The following PRAG1 variants were observed in gnomAD, a reference collection of about 807,000 sequenced individuals.
PRAG1 encodes PEAK1 related, kinase-activating pseudokinase 1.
PRAG1 carries 110 observed loss-of-function variants against 95.6 expected under a neutral mutation model. The observed-to-expected ratio is 1.15, with a 90% confidence interval of 0.99 to 1.35. The LOEUF is 1.35. Ranked by LOEUF, PRAG1 falls within the 40% of genes most tolerant of loss-of-function variation. PRAG1 has a pLI of 0.00. For synonymous variants in PRAG1, 1,052 were observed against 819.4 expected (o/e 1.28, Z -4.85); for missense variants, 2,554 against 1,864.7 (o/e 1.37, Z -6.81).
At chr8:8,366,841 C>T (rs568671199) in intron 3 of PRAG1, among the ~76,000 whole-genome samples, 22 of 151,936 alleles carry the variant, frequency 1.4e-4, no homozygotes, top group Non-Finnish European at 3.2e-4. Flanking sequence ...CCATGCCCTA[C>T]TCATTTTTGT....
chr8:8,357,741 G>A (rs73523424), intron 3 of PRAG1, among the ~76,000 whole-genome samples: 2 of 152,158 alleles, frequency 1.3e-5, no homozygotes, highest in African/African-American at 2.4e-5. Flanking sequence ...TTGCTTACCT[G>A]TGTTCATAGC....
At chr8:8,384,448 C>CGACTGCCAGG (rs1800782228) in intron 1 of PRAG1, among the ~76,000 whole-genome samples, 1 of 151,888 alleles carries the variant, frequency 6.6e-6, no homozygotes, top group South Asian at 2.1e-4. Context: ...TTTCATCACA[C>CGACTGCCAGG]GACTGCCAGG....
chr8:8,319,400 TCCAC>T, intron 5 of PRAG1, 98 bp from the exon 6 acceptor site: 17 of 1,011,056 alleles, frequency 1.7e-5, no homozygotes, highest in Non-Finnish European at 2.1e-5. Context: ...AATAAGCCTA[TCCAC>T]ATAGGCTTAA....
rs1338792995 is a variant in PRAG1 at position 8,318,895 on chromosome 8, G to C, written c.3480C>G (p.Ala1160=). The change falls in exon 6 of 6, where the codon GCC becomes GCG. Residue 1160 remains alanine (A), a synonymous_variant. Coordinates refer to ENST00000615670, the MANE Select transcript of PRAG1 (RefSeq NM_001080826.3). This position sits in a 1 kb window ranked among gnomAD's most constrained non-coding sequence, Gnocchi z 4.2. The stretch of plus-strand genomic sequence containing the variant: ...CGGGGGCGGGGGCGGGCCCGGGGCC[G>C]GCCTGGAGGGTGCAGTGCACCAGCA... The part of the protein sequence containing the change: ...NLLLVHCTLQ[A]GPGPAPAPAP... The C allele has an allele frequency of 1.3e-6, 2 of 1,563,030 alleles. No homozygotes were observed. Among genetic ancestry groups the C allele is most frequent in the South Asian group, 1.2e-5 (1 of 86,172 alleles).
At chr8:8,350,713 T>C (rs1799493339) in intron 3 of PRAG1, among the ~76,000 whole-genome samples, 1 of 152,234 alleles carries the variant, frequency 6.6e-6, no homozygotes, top group African/African-American at 2.4e-5. Flanking sequence ...GTTCGGGTCC[T>C]GACTCAATGC....
chr8:8,376,749 C>A lies in PRAG1; in HGVS notation c.1660G>T (p.Val554Leu). 6.2e-7 allele frequency: 1 copy of A among 1,610,076 alleles called. No homozygotes were observed. Among genetic ancestry groups the A allele is most frequent in the South Asian group, 1.1e-5 (1 of 91,058 alleles). The change falls in exon 3 of 6, where the codon GTA becomes TTA. Residue 554 changes from valine to leucine, a missense_variant. Val to Leu is a conservative substitution (Grantham distance 32). Coordinates refer to ENST00000615670, the MANE Select transcript of PRAG1 (RefSeq NM_001080826.3). ...IPPKLSKSSP[V>L]GSPVSPSAGG... ...GCAGACGGTGACACCGGGGACCCTA[C>A]AGGGCTACTCTTGGACAACTTGGGG...
rs745470561 is a variant in PRAG1, at chr8:8,377,858, T to A, written c.551A>T (p.Glu184Val). 6 of 1,614,092 alleles carry A rather than the reference T, an allele frequency of 3.7e-6. No individual in the cohort carries two copies. The highest frequency in any genetic ancestry group is 2.5e-6 in the Non-Finnish European group (3 of 1,180,010). The change falls in exon 3 of 6, where the codon GAG (glutamate) becomes GTG (valine). Residue 184 changes from glutamate to valine, a missense_variant. Glu to Val is a moderately radical substitution (Grantham distance 121, BLOSUM62 -2). Coordinates refer to ENST00000615670, the MANE Select transcript of PRAG1 (RefSeq NM_001080826.3). ...TTTTTCTTTGTGCACAGCCTTCTCC[T>A]CCGGGAAGCTCACCGGGTGGAAGGC... ...NIAFHPVSFPEEKAVHKEKPS... is the reference protein window; with the variant it reads ...NIAFHPVSFPVEKAVHKEKPS...
intron 3 of PRAG1, among the ~76,000 whole-genome samples, chr8:8,367,232 G>A (rs1800036787): frequency 1.3e-5 from 2 of 151,782 alleles, no homozygotes; most frequent in Admixed American, 1.3e-4. Context: ...AGAATTACGG[G>A]TGGATCACAT....
rs561759808 is a variant in PRAG1 at position 8,318,081 on chromosome 8, T to C, written c.*73A>G. On this transcript the variant is annotated 3_prime_UTR_variant, in exon 6 of 6. Coordinates refer to ENST00000615670, the MANE Select transcript of PRAG1 (RefSeq NM_001080826.3). This position sits in a 1 kb window ranked among gnomAD's most constrained non-coding sequence, Gnocchi z 4.2. Reference sequence around the variant, plus strand: ...ATCTGTACCATTTCCCAGGGAGACATGGGTGCTTCCAAGGCGAGACAGGAA... The same window carrying C: ...ATCTGTACCATTTCCCAGGGAGACACGGGTGCTTCCAAGGCGAGACAGGAA... 3.9e-5 allele frequency: 57 copies of C among 1,449,710 alleles called. No individual in the cohort carries two copies. The highest frequency in any genetic ancestry group is 2.4e-4 in the Middle Eastern group (1 of 4,160). The allele number at this position is 1,449,710 out of a possible 1,614,324, so 89.8% of individuals were successfully genotyped here.
chr8:8,318,128 A>G lies in PRAG1; in HGVS notation c.*26T>C, dbSNP rs1798335009. On this transcript the variant is annotated 3_prime_UTR_variant, in exon 6 of 6. Transcript: ENST00000615670. This position sits in a 1 kb window ranked among gnomAD's most constrained non-coding sequence, Gnocchi z 4.2. The stretch of plus-strand genomic sequence containing the variant: ...GGAAAGGGTTAGGCAGGGAAGGGGC[A>G]GCGACGGTGCAGGCTGGGGCTTGGC... The G allele has an allele frequency of 6.3e-7, 1 of 1,587,460 alleles. No homozygotes were observed. The highest frequency in any genetic ancestry group is 8.6e-7 in the Non-Finnish European group (1 of 1,166,428).
At chr8:8,325,899 G>A (rs538008082) in intron 5 of PRAG1, among the ~76,000 whole-genome samples, 2 of 151,432 alleles carry the variant, frequency 1.3e-5, no homozygotes, top group African/African-American at 2.4e-5. Flanking sequence ...GCAACAGAGC[G>A]AGACTCTGTC....
intron 5 of PRAG1, among the ~76,000 whole-genome samples, chr8:8,320,092 AAC>A (rs1034591965): frequency 2.6e-5 from 4 of 152,216 alleles, no homozygotes; most frequent in African/African-American, 9.6e-5. Flanking sequence ...CCTGCCGAGC[AAC>A]ACACAGTGTG....
intron 3 of PRAG1, among the ~76,000 whole-genome samples, chr8:8,357,227 A>G (rs1162102007): frequency 6.6e-6 from 1 of 152,220 alleles, no homozygotes; most frequent in African/African-American, 2.4e-5. Context: ...AAAGGACATA[A>G]TCAATAGAGT....
At position 8,331,624 on chromosome 8, in the gene PRAG1, TGAG is replaced by T. The variant is rs1469417619; in HGVS notation, c.2321-3166_2321-3164del. Among the ~76,000 whole-genome samples, 4 of 152,308 alleles carry T rather than the reference TGAG, an allele frequency of 2.6e-5. No homozygotes were observed. In the South Asian group the frequency reaches 8.3e-4, roughly 32 times the overall value. Reference sequence around the variant, plus strand: ...TACCACTGGTACATTTTCCAATCTGTGAGGAGACCAGGGATCTTTTAGCAACAT... The same window carrying T: ...TACCACTGGTACATTTTCCAATCTGTGAGACCAGGGATCTTTTAGCAACAT... On this transcript the variant is annotated intron_variant, in intron 4 of 5. Coordinates refer to ENST00000615670, the MANE Select transcript of PRAG1 (RefSeq NM_001080826.3).
At position 8,318,586 on chromosome 8, in the gene PRAG1, C is replaced by G; in HGVS notation, c.3789G>C (p.Glu1263Asp). 6.2e-7 allele frequency: 1 copy of G among 1,613,520 alleles called. No homozygotes were observed. The highest frequency in any genetic ancestry group is 1.1e-5 in the South Asian group (1 of 91,050). The change falls in exon 6 of 6, where the codon GAG becomes GAC. Residue 1263 changes from glutamate to aspartate, a missense_variant. Transcript: ENST00000615670. The surrounding 1 kb of genome is among the most constrained non-coding windows in gnomAD (Gnocchi z 4.2). The stretch of plus-strand genomic sequence containing the variant: ...CGAACGGGTTGGGTTGGTGCAGCAG[C>G]TCGTAGATGAGGATGCCTGTCTGGA... ...DEFQTGILIY[E>D]LLHQPNPFEV...
At chr8:8,325,228 G>A (rs1304806216) in intron 5 of PRAG1, among the ~76,000 whole-genome samples, 1 of 152,178 alleles carries the variant, frequency 6.6e-6, no homozygotes, top group East Asian at 1.9e-4. Context: ...GGCCCCCACG[G>A]CCCGCCCCCC....
chr8:8,349,874 C>T (rs943504902), intron 3 of PRAG1, among the ~76,000 whole-genome samples: 6 of 151,522 alleles, frequency 4.0e-5, no homozygotes, highest in African/African-American at 1.2e-4. Context: ...ACTTCATATT[C>T]AGTAGAAACC....
In PRAG1 at chr8:8,376,495, C is replaced by T. The variant is rs1160658111; in HGVS notation, c.1914G>A (p.Arg638=). 2 of 1,612,820 alleles carry T rather than the reference C, an allele frequency of 1.2e-6. No individual in the cohort carries two copies. The highest frequency in any genetic ancestry group is 3.3e-5 in the Admixed American group (2 of 59,968). The part of the protein sequence containing the change: ...FQAGTWSRQC[R]IEEEEEVEQE... Reference sequence around the variant, plus strand: ...GCTCCACCTCCTCTTCTTCCTCTATCCGGCACTGACGACTCCAGGTGCCTG... The same window carrying T: ...GCTCCACCTCCTCTTCTTCCTCTATTCGGCACTGACGACTCCAGGTGCCTG... Residue 638 remains arginine (R), a synonymous_variant, in exon 3 of 6, where the codon CGG becomes CGA. Coordinates refer to ENST00000615670, the MANE Select transcript of PRAG1 (RefSeq NM_001080826.3).
At chr8:8,357,252 T>G (rs773084951) in intron 3 of PRAG1, among the ~76,000 whole-genome samples, 2 of 152,190 alleles carry the variant, frequency 1.3e-5, no homozygotes, top group Non-Finnish European at 2.9e-5. Context: ...AGGCAACACA[T>G]GGATTGGGAG....
Sources: allele counts gnomAD v4.1 joint callset (sites outside exome capture counted in the v4.1 genomes callset), GRCh38; gene constraint gnomAD v4.1.1; non-coding constraint Gnocchi (gnomAD v3.1); transcripts MANE v1.5; gene names NCBI Gene and HGNC (gene_info 2026-07-23, HGNC 2026-07-21).